MCC: variants seen among roughly 807,000 people sequenced by gnomAD.
MCC encodes MCC regulator of Wnt signaling pathway.
Under a neutral mutation model 116.2 loss-of-function variants are expected in MCC, and 90 were observed. The ratio of observed to expected loss-of-function variants is 0.77; its 90% CI spans 0.65 to 0.92. The LOEUF is 0.92. Among genes scored for constraint, MCC ranks in the 40% least tolerant of loss-of-function variants. The pLI, the probability that MCC is intolerant of heterozygous loss-of-function variation, is 0.00. For synonymous variants in MCC, 578 were observed against 510.5 expected, an observed-to-expected ratio of 1.13 and a Z score of -1.78; for missense variants, 1,516 against 1,312.2, an observed-to-expected ratio of 1.16 and a Z score of -2.40.
rs141851080 is a variant in MCC, at chr5:113,136,465, T to G, written c.884+6753A>C. ...GAATTACTTGGTTGAGGACTTTGAG[T>G]AATCGTAGCTCTCCTGGTTTAGGAG... is the stretch of plus-strand genomic sequence containing the variant. On this transcript the variant is annotated intron_variant, in intron 5 of 18. Transcript: ENST00000408903. Among the ~76,000 whole-genome samples, 1,317 of 152,188 alleles carry G rather than the reference T, an allele frequency of 8.7e-3. 17 individuals carry two copies. Among genetic ancestry groups the G allele is most frequent in the East Asian group, 0.05 (259 of 5,182 alleles).
chr5:113,053,393 T>A (rs1580935505), intron 15 of MCC, among the ~76,000 whole-genome samples: 1 of 152,148 alleles, frequency 6.6e-6, no homozygotes, highest in East Asian at 1.9e-4. Context: ...CCAAGACATA[T>A]TTCCAAGCAT....
At chr5:113,319,608 A>G (rs924664755) in intron 3 of MCC, among the ~76,000 whole-genome samples, 1 of 152,166 alleles carries the variant, frequency 6.6e-6, no homozygotes, top group Non-Finnish European at 1.5e-5. Flanking sequence ...CCAAAATTCA[A>G]CTTGAAGGAA....
chr5:113,273,969 G>A (rs1765713989), intron 3 of MCC, among the ~76,000 whole-genome samples: 1 of 152,200 alleles, frequency 6.6e-6, no homozygotes, highest in African/African-American at 2.4e-5. Context: ...GATATTATGT[G>A]TATGACTGAC....
intron 3 of MCC, among the ~76,000 whole-genome samples, chr5:113,328,775 G>A (rs1055026098): frequency 1.3e-5 from 2 of 152,150 alleles, no homozygotes; most frequent in African/African-American, 4.8e-5. Flanking sequence ...GTCAGTGTGT[G>A]TACATGTGTG....
chr5:113,123,983 G>A (rs78195653), intron 5 of MCC, among the ~76,000 whole-genome samples: 9,031 of 152,132 alleles, frequency 0.059, 595 homozygotes, highest in African/African-American at 0.16. Context: ...GGAGGCAAGC[G>A]GGAGACACAT....
chr5:113,153,096 G>T (rs1275485402), intron 3 of MCC, among the ~76,000 whole-genome samples: 1 of 152,164 alleles, frequency 6.6e-6, no homozygotes, highest in Non-Finnish European at 1.5e-5. Flanking sequence ...TTTTTCTTCA[G>T]CATCTGACAC....
chr5:113,240,372 T>G (rs1296681174), intron 3 of MCC, among the ~76,000 whole-genome samples: 1 of 152,222 alleles, frequency 6.6e-6, no homozygotes, highest in Non-Finnish European at 1.5e-5. Context: ...TTCTAAACTT[T>G]CCACTGAAAT....
chr5:113,463,202 T>C (rs896688035), intron 1 of MCC, among the ~76,000 whole-genome samples: 5 of 151,896 alleles, frequency 3.3e-5, no homozygotes, highest in African/African-American at 1.2e-4. Flanking sequence ...GAGGGCAAGA[T>C]GAGGTAGGAG....
chr5:113,439,440 T>A (rs2150414923), intron 1 of MCC, among the ~76,000 whole-genome samples: 1 of 152,272 alleles, frequency 6.6e-6, no homozygotes, highest in African/African-American at 2.4e-5. Context: ...GAGAAATGAA[T>A]GAATATGGCC....
chr5:113,184,103 G>C (rs577075395), intron 3 of MCC, among the ~76,000 whole-genome samples: 12 of 152,320 alleles, frequency 7.9e-5, no homozygotes, highest in African/African-American at 2.9e-4. Context: ...CAAAAGAACT[G>C]TAATCTCTTA....
intron 2 of MCC, among the ~76,000 whole-genome samples, chr5:113,354,118 G>A (rs1309603219): frequency 6.6e-6 from 1 of 152,154 alleles, no homozygotes; most frequent in Non-Finnish European, 1.5e-5. Flanking sequence ...TGCCATCCAA[G>A]GGTCAGCAAG....
chr5:113,027,572 A>C, intron 18 of MCC, 90 bp from the exon 19 acceptor site: 1 of 1,147,254 alleles, frequency 8.7e-7, no homozygotes, highest in East Asian at 2.3e-5. Flanking sequence ...AGATCTAGTG[A>C]GCACTGCTCT....
chr5:113,293,221 A>G (rs1316121878), intron 3 of MCC, among the ~76,000 whole-genome samples: 2 of 137,178 alleles, frequency 1.5e-5, no homozygotes, highest in Non-Finnish European at 3.2e-5. Context: ...CCTCTTTCCC[A>G]TCACCAGGTG....
chr5:113,427,014 C>A (rs1248112068), intron 1 of MCC, among the ~76,000 whole-genome samples: 1 of 152,084 alleles, frequency 6.6e-6, no homozygotes. Context: ...TTAATCATGT[C>A]TTGTCTTATC....
In MCC at chr5:113,027,434, T is replaced by G; in HGVS notation, c.2928A>C (p.Lys976Asn). Reference sequence around the variant, plus strand: ...TCATCTGCGACTCTAACTTCTTCAGTTTGTTTTGATGCTTTTTCTTTGCTT... The same window carrying G: ...TCATCTGCGACTCTAACTTCTTCAGGTTGTTTTGATGCTTTTTCTTTGCTT... ...YEKAKKKHQN[K>N]LKKLESQMMA... is the part of the protein sequence containing the mutation. Residue 976 changes from lysine to asparagine, a missense_variant, in exon 19 of 19, where the codon AAA (lysine) becomes AAC (asparagine). Physicochemically the swap from Lys to Asn is moderately conservative, Grantham distance 94. Transcript: ENST00000408903. The G allele has an allele frequency of 6.2e-7, 1 of 1,614,186 alleles. No individual in the cohort carries two copies. The highest frequency in any genetic ancestry group is 1.1e-5 in the South Asian group (1 of 91,080).
At chr5:113,401,734 C>CTGTG (rs1769692286) in intron 1 of MCC, among the ~76,000 whole-genome samples, 1 of 151,630 alleles carries the variant, frequency 6.6e-6, no homozygotes, top group African/African-American at 2.4e-5. Context: ...GAGGCTGAGA[C>CTGTG]TGTGACATGT....
chr5:113,469,634 T>C (rs1456044970), intron 1 of MCC, among the ~76,000 whole-genome samples: 2 of 151,622 alleles, frequency 1.3e-5, no homozygotes, highest in African/African-American at 4.9e-5. Context: ...AGGTGTGGTG[T>C]GGTGCTGAAA....
chr5:113,374,545 A>T (rs1191614407), intron 2 of MCC, among the ~76,000 whole-genome samples: 1 of 152,192 alleles, frequency 6.6e-6, no homozygotes, highest in Non-Finnish European at 1.5e-5. Flanking sequence ...CTTACGCCCG[A>T]GCCAGAGATT....
chr5:113,133,915 G>T (rs1758631781), intron 5 of MCC, among the ~76,000 whole-genome samples: 2 of 152,248 alleles, frequency 1.3e-5, no homozygotes, highest in Non-Finnish European at 2.9e-5. Flanking sequence ...TGTCTATTCA[G>T]ATCTTTCGCT....
Sources: gnomAD v4.1 joint callset for allele counts (sites outside exome capture counted in the v4.1 genomes callset) on GRCh38, gnomAD v4.1.1 for gene constraint, MANE v1.5 for transcripts, NCBI Gene and HGNC (gene_info 2026-07-23, HGNC 2026-07-21) for gene names.